WDR72: variants seen among roughly 807,000 people sequenced by gnomAD.
The protein encoded by WDR72 is WD repeat domain 72.
WDR72 carries 120 observed loss-of-function variants against 124.2 expected under a neutral mutation model. The observed-to-expected ratio is 0.97, with a 90% CI of 0.83 to 1.12. WDR72 has a LOEUF of 1.12. Among genes scored for constraint, WDR72 ranks in the 50% most tolerant of loss-of-function variants. The probability of loss-of-function intolerance (pLI) is 0.00; values close to 1 mark genes in which losing one functional copy is unlikely to be tolerated. For missense variants in WDR72, 1,387 were observed against 1,278.8 expected, an observed-to-expected ratio of 1.08 and a Z score of -1.29; for synonymous variants, 452 against 441.7, an observed-to-expected ratio of 1.02 and a Z score of -0.29.
chr15:53,529,178 TTTTA>T (rs1451994596), intron 18 of WDR72, among the ~76,000 whole-genome samples: 11 of 139,596 alleles, frequency 7.9e-5, no homozygotes, highest in African/African-American at 2.8e-4. Context: ...TTTTTTTTTT[TTTTA>T]AAAGAATATA....
chr15:53,699,669 C>G (rs1477380981), intron 13 of WDR72, 81 bp downstream of exon 13: 1 of 1,489,968 alleles, frequency 6.7e-7, no homozygotes, highest in African/African-American at 1.4e-5. Context: ...ATCACCGTGT[C>G]TTCTCTGAAA....
chr15:53,749,140 A>G (rs1331390655), intron 1 of WDR72, among the ~76,000 whole-genome samples: 1 of 152,118 alleles, frequency 6.6e-6, no homozygotes, highest in Non-Finnish European at 1.5e-5. Flanking sequence ...AGGGAATAAA[A>G]CTTCATTTTA....
chr15:53,603,765 C>T (rs1345583867), intron 17 of WDR72, among the ~76,000 whole-genome samples: 1 of 152,108 alleles, frequency 6.6e-6, no homozygotes, highest in African/African-American at 2.4e-5. Flanking sequence ...CCTAGGAATA[C>T]AGCCAACTAG....
chr15:53,598,742 G>A lies in WDR72; in HGVS notation c.2953-1468C>T, dbSNP rs538002813. Among the ~76,000 whole-genome samples the A allele has an allele frequency of 3.9e-5, 6 of 152,264 alleles. No individual in the cohort carries two copies. The South Asian group carries it at 1.2e-3, about 32-fold the overall frequency. On this transcript the variant is annotated intron_variant, in intron 17 of 19. Coordinates refer to ENST00000360509, the MANE Select transcript of WDR72 (RefSeq NM_182758.4). ...TAAGGAATAGTAGAATATCACTATT[G>A]CATACCATGCATACTAACATGAGGT... is the stretch of plus-strand genomic sequence containing the variant.
chr15:53,567,117 C>T (rs1198196866), intron 18 of WDR72, among the ~76,000 whole-genome samples: 1 of 151,978 alleles, frequency 6.6e-6, no homozygotes, highest in Non-Finnish European at 1.5e-5. Context: ...AATTCTCCCA[C>T]ACCACCTCGT....
chr15:53,521,710 T>C (rs1231305595), intron 19 of WDR72, among the ~76,000 whole-genome samples: 1 of 152,090 alleles, frequency 6.6e-6, no homozygotes, highest in Non-Finnish European at 1.5e-5. Context: ...AAAGCTGATC[T>C]ATTCTTATCA....
rs372512997 is a variant in WDR72, at chr15:53,674,646, T to G, written c.1766-8878A>C. Reference sequence around the variant, plus strand: ...TCCTAAATGTAGTTGATATAATAAATTCAGCTAAAAAATGGAGTGTCAAAG... The same window carrying G: ...TCCTAAATGTAGTTGATATAATAAAGTCAGCTAAAAAATGGAGTGTCAAAG... On this transcript the variant is annotated intron_variant, in intron 13 of 19. Transcript: ENST00000360509. 7.2e-5 allele frequency among the ~76,000 whole-genome samples: 11 copies of G among 152,268 alleles called. No homozygotes were observed. In the South Asian group the frequency reaches 1.5e-3, roughly 20 times the overall value.
intron 18 of WDR72, among the ~76,000 whole-genome samples, chr15:53,543,237 C>T (rs28778022): frequency 0.044 from 6,462 of 148,024 alleles, 393 homozygotes; most frequent in African/African-American, 0.14. Context: ...TGACCACATA[C>T]TTGGAAGTAA....
At chr15:53,608,157 C>A (rs1224601000) in intron 17 of WDR72, among the ~76,000 whole-genome samples, 2 of 152,072 alleles carry the variant, frequency 1.3e-5, no homozygotes, top group Non-Finnish European at 2.9e-5. Context: ...CTCAGTATAA[C>A]CCCAAAGAAA....
intron 1 of WDR72, among the ~76,000 whole-genome samples, chr15:53,740,676 G>C (rs2018486925): frequency 1.3e-5 from 2 of 152,190 alleles, no homozygotes; most frequent in Non-Finnish European, 2.9e-5. Flanking sequence ...TACAATGCCT[G>C]AAGAACAGTG....
At chr15:53,691,665 AGATAGATAGATG>A (rs1222213800) in intron 13 of WDR72, among the ~76,000 whole-genome samples, 6 of 104,558 alleles carry the variant, frequency 5.7e-5, no homozygotes, top group Non-Finnish European at 9.8e-5. Context: ...ATAGATAGAT[AGATAGATAGATG>A]TTTAACAAAA....
chr15:53,719,164 A>G (rs2017801842), intron 3 of WDR72, among the ~76,000 whole-genome samples: 1 of 152,148 alleles, frequency 6.6e-6, no homozygotes. Context: ...ACTTTAATGA[A>G]GTGTCTGGAA....
intron 13 of WDR72, among the ~76,000 whole-genome samples, chr15:53,681,390 AAGGAGG>A (rs544844803): frequency 6.4e-4 from 97 of 152,274 alleles, no homozygotes; most frequent in African/African-American, 2.2e-3. Context: ...GGGCCTAGTT[AAGGAGG>A]AGCCAAAGAG....
At chr15:53,519,512 A>C (rs954388878) in intron 19 of WDR72, among the ~76,000 whole-genome samples, 2 of 152,118 alleles carry the variant, frequency 1.3e-5, no homozygotes, top group Non-Finnish European at 1.5e-5. Context: ...TAGACTTCAC[A>C]GAGTCTAAGC....
intron 18 of WDR72, among the ~76,000 whole-genome samples, chr15:53,570,274 T>TTG: frequency 6.6e-6 from 1 of 151,336 alleles, no homozygotes; most frequent in South Asian, 2.1e-4. Flanking sequence ...TTTTTTTTTT[T>TTG]TGTGGTGAGA....
intron 13 of WDR72, among the ~76,000 whole-genome samples, chr15:53,685,132 G>T (rs1395809641): frequency 2.0e-5 from 3 of 150,690 alleles, no homozygotes; most frequent in Non-Finnish European, 4.4e-5. Flanking sequence ...AGAAAAACTG[G>T]AAACTCTAAA....
intron 18 of WDR72, among the ~76,000 whole-genome samples, chr15:53,579,354 A>G (rs551207789): frequency 6.6e-6 from 1 of 152,254 alleles, no homozygotes; most frequent in Non-Finnish European, 1.5e-5. Context: ...ACGGAAACCT[A>G]CAAAGAAGGG....
At chr15:53,546,760 G>A (rs1400801223) in intron 18 of WDR72, among the ~76,000 whole-genome samples, 1 of 151,984 alleles carries the variant, frequency 6.6e-6, no homozygotes, top group Non-Finnish European at 1.5e-5. Context: ...TAATCAAGAA[G>A]CAAAGGGAAA....
chr15:53,589,269 A>C lies in WDR72; in HGVS notation c.3148+7810T>G, dbSNP rs2012375101. Among the ~76,000 whole-genome samples, 3 of 151,618 alleles carry C rather than the reference A, an allele frequency of 2.0e-5. No homozygotes were observed. In the South Asian group the frequency reaches 6.2e-4, roughly 32 times the overall value. On this transcript the variant is annotated intron_variant, in intron 18 of 19. Coordinates refer to ENST00000360509, the MANE Select transcript of WDR72 (RefSeq NM_182758.4). ...TCATGGTCCTAGGATGGTGACTCTC[A>C]GATAACACGAATTTCAGTTTGTATT...
Sources: allele counts gnomAD v4.1 joint callset (sites outside exome capture counted in the v4.1 genomes callset), GRCh38; gene constraint gnomAD v4.1.1; transcripts MANE v1.5; gene names NCBI Gene and HGNC (gene_info 2026-07-23, HGNC 2026-07-21).